Variants in DMD observed in about 807,000 individuals in gnomAD.
DMD encodes dystrophin.
Under a neutral mutation model 330.1 loss-of-function variants are expected in DMD, and 63 were observed. The ratio of observed to expected loss-of-function variants is 0.19; its 90% CI spans 0.16 to 0.24. DMD has a LOEUF of 0.24. Among genes scored for constraint, DMD ranks in the 10% least tolerant of loss-of-function variants. DMD has a pLI of 1.00. For missense variants in DMD, 3,344 were observed against 2,684.1 expected (o/e 1.25, Z -5.43); for synonymous variants, 1,223 against 959.8 (o/e 1.27, Z -5.07).
At chrX:32,181,167 C>T (rs910683279) in intron 44 of DMD, among the ~76,000 whole-genome samples, 1 of 111,602 alleles carries the variant, frequency 9.0e-6, no homozygotes, top group African/African-American at 3.3e-5. Context: ...CTGGAAATTG[C>T]CCCAACCCAT....
intron 44 of DMD, 125 bp from the exon 45 acceptor site, chrX:31,968,639 G>T: frequency 1.3e-6 from 1 of 758,608 alleles, no homozygotes; most frequent in Non-Finnish European, 1.9e-6. Flanking sequence ...AGCTCCATGT[G>T]AAAATTTCCC....
intron 44 of DMD, among the ~76,000 whole-genome samples, chrX:32,207,608 A>G (rs1480782797): frequency 8.9e-6 from 1 of 112,176 alleles, no homozygotes; most frequent in Non-Finnish European, 1.9e-5. Context: ...CCACTCTTCA[A>G]TGAAATTATC....
At chrX:33,143,732 C>T (rs185776922) in intron 1 of DMD, among the ~76,000 whole-genome samples, 220 of 111,654 alleles carry the variant, frequency 2.0e-3, no homozygotes, top group African/African-American at 6.8e-3. Flanking sequence ...TTTACAGCCT[C>T]TTTGAAAATT....
chrX:32,727,164 C>A (rs985893373), intron 7 of DMD, among the ~76,000 whole-genome samples: 6 of 111,345 alleles, frequency 5.4e-5, no homozygotes, highest in Non-Finnish European at 1.1e-4. Context: ...TTCAGAAACA[C>A]TTCCAACTGG....
At chrX:32,333,121 TTC>T (rs1176960264) in intron 41 of DMD, among the ~76,000 whole-genome samples, 3 of 111,695 alleles carry the variant, frequency 2.7e-5, no homozygotes, top group African/African-American at 9.7e-5. Context: ...TCCAGCATTT[TTC>T]TGTTTTTTAA....
intron 44 of DMD, among the ~76,000 whole-genome samples, chrX:32,001,686 G>C (rs1018841139): frequency 9.9e-5 from 11 of 111,221 alleles, no homozygotes; most frequent in African/African-American, 3.6e-4. Context: ...AAATCAAATC[G>C]GTCGATTTAA....
intron 47 of DMD, 92 bp downstream of exon 47, chrX:31,929,504 C>T: frequency 9.6e-7 from 1 of 1,047,083 alleles, no homozygotes; most frequent in Non-Finnish European, 1.3e-6. Context: ...TACCAGCCTC[C>T]TCCCCGACCA....
At chrX:33,066,617 A>G (rs2094665845) in intron 1 of DMD, among the ~76,000 whole-genome samples, 1 of 110,195 alleles carries the variant, frequency 9.1e-6, no homozygotes, top group East Asian at 2.9e-4. Context: ...TATGGTCCTC[A>G]GGACATAAGA....
At chrX:32,723,603 T>C (rs760911846) in intron 7 of DMD, among the ~76,000 whole-genome samples, 1 of 111,657 alleles carries the variant, frequency 9.0e-6, no homozygotes, top group South Asian at 3.7e-4. Context: ...GTATGATGAC[T>C]ACAGTTAATG....
chrX:32,403,627 A>G (rs1260216645), intron 30 of DMD, among the ~76,000 whole-genome samples: 3 of 111,765 alleles, frequency 2.7e-5, no homozygotes, highest in Non-Finnish European at 5.7e-5. Context: ...CCACACTATT[A>G]AACATATGAA....
chrX:32,780,073 T>C (rs958406622), intron 7 of DMD, among the ~76,000 whole-genome samples: 1 of 111,938 alleles, frequency 8.9e-6, no homozygotes, highest in African/African-American at 3.2e-5. Flanking sequence ...CCCCTCATAG[T>C]ACACACACTT....
At chrX:31,977,508 G>C (rs1009988741) in intron 44 of DMD, among the ~76,000 whole-genome samples, 2 of 110,895 alleles carry the variant, frequency 1.8e-5, no homozygotes, top group Non-Finnish European at 3.8e-5. Context: ...ATTTAGCTTA[G>C]ATTACAGAAC....
chrX:31,129,376 C>T (rs1223228235), intron 77 of DMD, among the ~76,000 whole-genome samples: 1 of 112,058 alleles, frequency 8.9e-6, no homozygotes, highest in Non-Finnish European at 1.9e-5. Flanking sequence ...ATCTATAAAT[C>T]AATTCAATTT....
chrX:31,902,147 T>G lies in DMD; in HGVS notation c.6913-26774A>C, dbSNP rs148137931. Among the ~76,000 whole-genome samples the G allele has an allele frequency of 8.9e-5, 10 of 112,123 alleles. No individual in the cohort carries two copies. The East Asian group carries it at 2.8e-3, about 31-fold the overall frequency. On this transcript the variant is annotated intron_variant, in intron 47 of 78. Transcript: ENST00000357033. Reference sequence around the variant, plus strand: ...TTAGTTCATTCTGAAAACTAATACTTCTGTCAATCAACAACAATCAATCAA... The same window carrying G: ...TTAGTTCATTCTGAAAACTAATACTGCTGTCAATCAACAACAATCAATCAA...
intron 1 of DMD, among the ~76,000 whole-genome samples, chrX:33,221,712 GA>G (rs1249476480): frequency 9.4e-6 from 1 of 106,051 alleles, no homozygotes; most frequent in Non-Finnish European, 2.0e-5. Flanking sequence ...AAAATACAAA[GA>G]AAAAAAAAGA....
intron 44 of DMD, among the ~76,000 whole-genome samples, chrX:32,184,881 A>T: frequency 9.8e-6 from 1 of 101,591 alleles, no homozygotes; most frequent in Middle Eastern, 5.3e-3. Flanking sequence ...CAGGAAGAGT[A>T]CAAAATAAAG....
chrX:32,521,639 C>T (rs974582894), intron 17 of DMD, among the ~76,000 whole-genome samples: 2 of 112,327 alleles, frequency 1.8e-5, no homozygotes, highest in Admixed American at 9.4e-5. Flanking sequence ...TATTGGATGT[C>T]TCCACTTGCA....
intron 2 of DMD, among the ~76,000 whole-genome samples, chrX:32,962,307 G>A (rs150961473): frequency 3.2e-4 from 36 of 112,004 alleles, no homozygotes; most frequent in Non-Finnish European, 5.3e-4. Flanking sequence ...TTGCTTTTCT[G>A]TACTTCTGTT....
intron 44 of DMD, among the ~76,000 whole-genome samples, chrX:32,157,699 A>T (rs1292096453): frequency 2.7e-5 from 3 of 111,994 alleles, no homozygotes; most frequent in African/African-American, 9.8e-5. Context: ...TTTATAAATA[A>T]TCGATACAAT....
Sources: gnomAD v4.1 joint callset for allele counts (sites outside exome capture counted in the v4.1 genomes callset) on GRCh38, gnomAD v4.1.1 for gene constraint, MANE v1.5 for transcripts, NCBI Gene and HGNC (gene_info 2026-07-23, HGNC 2026-07-21) for gene names.